Variants in ASMT observed in about 807,000 individuals in gnomAD.
The protein encoded by ASMT is acetylserotonin O-methyltransferase, also known as acetylserotonin N-methyltransferase.
ASMT carries 53 observed loss-of-function variants against 41.3 expected under a neutral mutation model. That is an observed-to-expected ratio of 1.28 (90% CI 1.03 to 1.61). The LOEUF is 1.61. Ranked by LOEUF, ASMT falls within the 40% of genes most tolerant of loss-of-function variation. ASMT has a pLI of 0.00. For missense variants in ASMT, 531 were observed against 441.3 expected, an observed-to-expected ratio of 1.20 and a Z score of -1.82; for synonymous variants, 231 against 184.8, an observed-to-expected ratio of 1.25 and a Z score of -2.03.
intron 6 of ASMT, 112 bp from the exon 7 acceptor site, chrX:1,633,038 G>T: frequency 8.0e-7 from 1 of 1,248,158 alleles, no homozygotes; most frequent in Non-Finnish European, 1.2e-6. Flanking sequence ...CAGACATGGC[G>T]GAAGGACCCA....
intron 1 of ASMT, among the ~76,000 whole-genome samples, chrX:1,615,636 C>G (rs1475318821): frequency 6.6e-6 from 1 of 151,960 alleles, no homozygotes; most frequent in African/African-American, 2.4e-5. Context: ...AACCCCATCT[C>G]TACTAAAAAT....
chrX:1,633,681 C>T (rs1934859060), intron 7 of ASMT, among the ~76,000 whole-genome samples: 1 of 146,406 alleles, frequency 6.8e-6, no homozygotes, highest in South Asian at 2.2e-4. Flanking sequence ...ACTCTCTTGC[C>T]CGGGCTGGAG....
chrX:1,636,968 GGCACATGAGGATGTGGGCACAGC>G (rs1934999284), intron 8 of ASMT, among the ~76,000 whole-genome samples: 11 of 82,184 alleles, frequency 1.3e-4, no homozygotes, highest in East Asian at 6.8e-4. Context: ...CCATCCTGAT[GGCACATGAGGATGTGGGCACAGC>G]CTCTGTGTGT....
At chrX:1,616,084 A>T (rs1268893464) in intron 1 of ASMT, among the ~76,000 whole-genome samples, 16 of 151,462 alleles carry the variant, frequency 1.1e-4, no homozygotes, top group Non-Finnish European at 2.1e-4. Flanking sequence ...GCTGGAGTGC[A>T]GTGGCACGGT....
intron 7 of ASMT, chrX:1,636,176 C>T: frequency 2.0e-6 from 1 of 506,606 alleles, no homozygotes; most frequent in Non-Finnish European, 3.7e-6. Flanking sequence ...CCAGGATGGT[C>T]TTGATCTCCT....
In ASMT at chrX:1,627,384, G is replaced by A. The variant is rs768811692; in HGVS notation, c.375-319G>A. 2.6e-5 allele frequency among the ~76,000 whole-genome samples: 4 copies of A among 151,678 alleles called. No individual in the cohort carries two copies. The South Asian group carries it at 8.3e-4, about 32-fold the overall frequency. ...CACCTGTAACCCCACCACTTTGGGA[G>A]GCCGAGGCGGGTGGATCACCTGAGG... On this transcript the variant is annotated intron_variant, in intron 3 of 8. Coordinates refer to ENST00000381241, the MANE Select transcript of ASMT (RefSeq NM_001171038.2).
chrX:1,633,016 GA>G (rs56368882), intron 6 of ASMT, 133 bp from the exon 7 acceptor site: 767,612 of 994,698 alleles, frequency 0.77, 295,019 homozygotes, highest in South Asian at 0.86. Flanking sequence ...ATAATAAAAA[GA>G]AAAAAAAGAC....
chrX:1,630,008 T>C, intron 5 of ASMT, 69 bp downstream of exon 5: 1 of 1,330,822 alleles, frequency 7.5e-7, no homozygotes, highest in Non-Finnish European at 1.1e-6. Flanking sequence ...GTGTTATTCA[T>C]GTCTTTTATT....
intron 4 of ASMT, among the ~76,000 whole-genome samples, chrX:1,629,231 T>C (rs1934678278): frequency 6.6e-6 from 1 of 152,152 alleles, no homozygotes; most frequent in African/African-American, 2.4e-5. Flanking sequence ...ATAGTGACCG[T>C]GGTACCTAAG....
chrX:1,637,158 C>CTG (rs201660197), intron 8 of ASMT, among the ~76,000 whole-genome samples: 60 of 77,240 alleles, frequency 7.8e-4, no homozygotes, highest in Admixed American at 2.0e-3. Flanking sequence ...GGCACAGCCT[C>CTG]TGTGTATGAT....
At position 1,641,328 on chromosome X, in the gene ASMT, A is replaced by G. The variant is rs867684595; in HGVS notation, c.911-1475A>G. 2.9e-4 allele frequency among the ~76,000 whole-genome samples: 12 copies of G among 41,072 alleles called. 1 individual carries two copies. The highest frequency in any genetic ancestry group is 5.5e-4 in the Admixed American group (2 of 3,636). The allele number at this position is 41,072 out of a possible 152,430, so 26.9% of individuals were successfully genotyped here. On this transcript the variant is annotated intron_variant, in intron 8 of 8. Transcript: ENST00000381241. The stretch of plus-strand genomic sequence containing the variant: ...CCTGTGAGGTCCACCCATCCTGATG[A>G]TCCATTAGGATGTGGACACAGCCTC...
In ASMT at chrX:1,623,183, C is replaced by A; in HGVS notation, c.114C>A (p.Ala38=). 1.2e-6 allele frequency: 2 copies of A among 1,613,184 alleles called. No homozygotes were observed. The highest frequency in any genetic ancestry group is 1.7e-6 in the Non-Finnish European group (2 of 1,179,838). The change falls in exon 2 of 9, where the codon GCC becomes GCA. Residue 38 remains alanine, a synonymous_variant. Transcript: ENST00000381241. ...ACELGVFDLL[A]EAPGPLDVAA... is the part of the protein sequence containing the mutation. ...AGCTGGGCGTGTTTGACCTTCTCGC[C>A]GAGGCCCCAGGGCCCCTGGACGTGG...
chrX:1,627,494 G>A (rs113558062), intron 3 of ASMT, among the ~76,000 whole-genome samples: 3,247 of 151,560 alleles, frequency 0.021, 103 homozygotes, highest in African/African-American at 0.074. Context: ...GGTGGCGGGC[G>A]CCTATAGTCC....
chrX:1,624,141 C>T, intron 2 of ASMT, 128 bp from the exon 3 acceptor site: 1 of 1,273,560 alleles, frequency 7.9e-7, no homozygotes, highest in Non-Finnish European at 1.1e-6. Context: ...AAGAGGAAGA[C>T]CCCATCTCTA....
At chrX:1,630,203 G>C (rs1306894622) in intron 5 of ASMT, among the ~76,000 whole-genome samples, 3 of 151,760 alleles carry the variant, frequency 2.0e-5, no homozygotes, top group African/African-American at 4.8e-5. Flanking sequence ...GCATGATCTC[G>C]GCTCACTGCA....
At chrX:1,625,954 C>CAAAAAAAA (rs1310481163) in intron 3 of ASMT, among the ~76,000 whole-genome samples, 86 of 99,226 alleles carry the variant, frequency 8.7e-4, no homozygotes, top group African/African-American at 3.0e-3. Context: ...GACTCCATCT[C>CAAAAAAAA]AAAAAAAAAA....
Position 1,633,273 on chromosome X carries a change from A to T in ASMT, c.770A>T (p.Gln257Leu). The change falls in exon 7 of 9, where the codon CAG becomes CTG. Residue 257 changes from glutamine (Q) to leucine (L), a missense_variant. Transcript: ENST00000381241. ...KQHFSFQEEE[Q>L]IDFQEGDFFK... Reference sequence around the variant, plus strand: ...CACTTCTCATTCCAGGAGGAAGAACAGATTGACTTCCAGGAAGGTGTGTTT... The same window carrying T: ...CACTTCTCATTCCAGGAGGAAGAACTGATTGACTTCCAGGAAGGTGTGTTT... 1 of 1,613,940 alleles carries T rather than the reference A, an allele frequency of 6.2e-7. No individual in the cohort carries two copies.
intron 8 of ASMT, among the ~76,000 whole-genome samples, chrX:1,636,919 GTGATGGGGACAGTGTCCCAGCTCTCC>G (rs1569384180): frequency 5.1e-5 from 6 of 117,630 alleles, no homozygotes; most frequent in Non-Finnish European, 1.1e-4. Flanking sequence ...GCCTCTGTGT[GTGATGGGGACAGTGTCCCAGCTCTCC>G]TGTGAGGTCC....
intron 1 of ASMT, among the ~76,000 whole-genome samples, chrX:1,616,883 T>C (rs1350820647): frequency 2.6e-5 from 4 of 151,910 alleles, no homozygotes; most frequent in African/African-American, 9.7e-5. Flanking sequence ...TAATTTTTTG[T>C]ATTTTTAGTA....
Sources: allele counts gnomAD v4.1 joint callset (sites outside exome capture counted in the v4.1 genomes callset), GRCh38; gene constraint gnomAD v4.1.1; transcripts MANE v1.5; gene names NCBI Gene and HGNC (gene_info 2026-07-23, HGNC 2026-07-21).